Variants in FHAD1 observed in about 807,000 individuals in gnomAD.
FHAD1 encodes forkhead associated phosphopeptide binding domain 1.
In FHAD1, 146 loss-of-function variants were observed where a neutral mutation model predicts 191.3. The observed-to-expected ratio is 0.76, with a 90% confidence interval of 0.67 to 0.88. The LOEUF (loss-of-function observed/expected upper bound fraction) is 0.88. Among genes scored for constraint, FHAD1 ranks in the 40% least tolerant of loss-of-function variants. The pLI is 0.00. For synonymous variants in FHAD1, 616 were observed against 672.3 expected (o/e 0.92, Z 1.29); for missense variants, 1,635 against 1,785.8 (o/e 0.92, Z 1.52).
intron 3 of FHAD1, among the ~76,000 whole-genome samples, chr1:15,288,935 A>T (rs1206447715): frequency 6.6e-6 from 1 of 152,110 alleles, no homozygotes; most frequent in Non-Finnish European, 1.5e-5. Context: ...CCCCATCCCA[A>T]ACTTGAGGAG....
intron 10 of FHAD1, among the ~76,000 whole-genome samples, chr1:15,322,989 A>G (rs937711181): frequency 2.0e-5 from 3 of 152,292 alleles, no homozygotes; most frequent in South Asian, 4.1e-4. Flanking sequence ...AGGGAAAAAT[A>G]AGGAAGAAAC....
At chr1:15,304,159 G>A (rs1669698186) in intron 6 of FHAD1, among the ~76,000 whole-genome samples, 1 of 152,346 alleles carries the variant, frequency 6.6e-6, no homozygotes, top group African/African-American at 2.4e-5. Context: ...AAAGCCCTTC[G>A]ATCTGATACA....
chr1:15,245,563 G>A (rs568860429), upstream of FHAD1, among the ~76,000 whole-genome samples: 23 of 152,312 alleles, frequency 1.5e-4, no homozygotes, highest in African/African-American at 5.3e-4. Context: ...GCAGAAACGT[G>A]TGGGAAGCTG....
chr1:15,325,707 A>G lies in FHAD1; in HGVS notation c.1473+1148A>G, dbSNP rs1678251430. 1 of 152,398 alleles carries G rather than the reference A, an allele frequency of 6.6e-6. No homozygotes were observed. Among genetic ancestry groups the G allele is most frequent in the Non-Finnish European group, 1.5e-5 (1 of 68,194 alleles). The allele number at this position is 152,398 out of a possible 1,614,324, so 9.4% of individuals were successfully genotyped here. The stretch of plus-strand genomic sequence containing the variant: ...GACCCGTGCTCCTTGCCCAAGGGCC[A>G]AGGTTCTTGTTATAGCTCTGGGCAG... On this transcript the variant is annotated intron_variant, in intron 11 of 33. Coordinates refer to ENST00000688493, the MANE Select transcript of FHAD1 (RefSeq NM_001391957.1). The surrounding 1 kb of genome is among the most constrained non-coding windows in gnomAD (Gnocchi z 4.6).
At chr1:15,313,607 G>A (rs1672985849) in intron 8 of FHAD1, among the ~76,000 whole-genome samples, 1 of 152,144 alleles carries the variant, frequency 6.6e-6, no homozygotes, top group African/African-American at 2.4e-5. Flanking sequence ...AGGACACGGT[G>A]GGCTTCCCCT....
In FHAD1 at chr1:15,326,885, C is replaced by G. The variant is rs1044693679; in HGVS notation, c.1474-174C>G. ...TAATTAAAGCCTGCTGTTCTCTTTT[C>G]TTCTGTGGGTCCCGCCACTCCCCGT... is the stretch of plus-strand genomic sequence containing the variant. On this transcript the variant is annotated intron_variant, in intron 11 of 33. Transcript: ENST00000688493. The G allele has an allele frequency of 1.1e-4, 66 of 583,228 alleles. No individual in the cohort carries two copies. The Middle Eastern group carries it at 1.8e-3, about 16-fold the overall frequency. 36.1% of individuals were successfully genotyped at this position (583,228 alleles called of 1,614,324 possible). A position where few individuals can be genotyped will look rare whatever the true frequency, so the allele number is the denominator to read the frequency against.
At chr1:15,248,790 G>A (rs1780602) in intron 1 of FHAD1, among the ~76,000 whole-genome samples, 44,127 of 151,848 alleles carry the variant, frequency 0.29, 7,415 homozygotes, top group Non-Finnish European at 0.39. Context: ...GTTTCGCCAT[G>A]TTGGCCAGGC....
At chr1:15,309,906 G>A (rs74523862) in intron 7 of FHAD1, among the ~76,000 whole-genome samples, 2,179 of 152,256 alleles carry the variant, frequency 0.014, 59 homozygotes, top group African/African-American at 0.05. Context: ...GCTGGACCAA[G>A]CCACGGTGTT....
intron 2 of FHAD1, among the ~76,000 whole-genome samples, chr1:15,264,613 G>A (rs1268718986): frequency 6.6e-6 from 1 of 151,108 alleles, no homozygotes. Flanking sequence ...AAATCATGTT[G>A]TCCAACAATA....
In FHAD1 at chr1:15,296,612, C is replaced by T. The variant is rs747991065; in HGVS notation, c.569-72C>T. 25 of 1,287,668 alleles carry T rather than the reference C, an allele frequency of 1.9e-5. No individual in the cohort carries two copies. In the African/African-American group the frequency reaches 2.2e-4, roughly 11 times the overall value. The allele number at this position is 1,287,668 out of a possible 1,614,324, so 79.8% of individuals were successfully genotyped here. A position where few individuals can be genotyped will look rare whatever the true frequency, so the allele number is the denominator to read the frequency against. On this transcript the variant is annotated intron_variant, in intron 4 of 33. Transcript: ENST00000688493. ...GGGGGGAAACAAACAGGAAGGCTAA[C>T]GTGAACATCTTCTTCAGGCCTCAGG...
In FHAD1 at chr1:15,312,968, G is replaced by A; in HGVS notation, c.1040-89G>A. 6.7e-7 allele frequency: 1 copy of A among 1,498,302 alleles called. No homozygotes were observed. The highest frequency in any genetic ancestry group is 9.0e-7 in the Non-Finnish European group (1 of 1,111,614). The allele number at this position is 1,498,302 out of a possible 1,614,324, so 92.8% of individuals were successfully genotyped here. A position where few individuals can be genotyped will look rare whatever the true frequency, so the allele number is the denominator to read the frequency against. ...CCTTGGAGACACCTCCCTTCTCAGTGCCAGGCTCGTCACAAACTGGTTGAC... is the reference window on the plus strand; with the variant it reads ...CCTTGGAGACACCTCCCTTCTCAGTACCAGGCTCGTCACAAACTGGTTGAC... On this transcript the variant is annotated intron_variant, in intron 7 of 33. Transcript: ENST00000688493. The surrounding 1 kb of genome is among the most constrained non-coding windows in gnomAD (Gnocchi z 4.7).
At chr1:15,352,564 A>T (rs1330113734) in intron 19 of FHAD1, among the ~76,000 whole-genome samples, 1 of 152,162 alleles carries the variant, frequency 6.6e-6, no homozygotes, top group Non-Finnish European at 1.5e-5. Flanking sequence ...ATGCCAGTTT[A>T]TTTAGTAACT....
rs1701014746 is a variant in FHAD1, at chr1:15,381,953, C to G, written c.4023-75C>G. 6.7e-7 allele frequency: 1 copy of G among 1,496,172 alleles called. No individual in the cohort carries two copies. Among genetic ancestry groups the G allele is most frequent in the South Asian group, 1.3e-5 (1 of 77,726 alleles). The allele number at this position is 1,496,172 out of a possible 1,614,324, so 92.7% of individuals were successfully genotyped here. ...CCCACTGTGGATGTATTTTGAGAGA[C>G]TTCCGGGTCTGGCACATTGATGATG... On this transcript the variant is annotated intron_variant, in intron 30 of 33. Transcript: ENST00000688493. This position sits in a 1 kb window ranked among gnomAD's most constrained non-coding sequence, Gnocchi z 4.6.
In FHAD1 at chr1:15,272,625, G is replaced by A; in HGVS notation, c.300+96G>A. 17 of 1,121,168 alleles carry A rather than the reference G, an allele frequency of 1.5e-5. No homozygotes were observed. In the South Asian group the frequency reaches 2.6e-4, roughly 17 times the overall value. 69.5% of individuals were successfully genotyped at this position (1,121,168 alleles called of 1,614,324 possible). On this transcript the variant is annotated intron_variant, in intron 3 of 33. Transcript: ENST00000688493. Reference sequence around the variant, plus strand: ...CAGGGTGGCGCTTATCCACATTGGTGCCACTGTGATCGCACGCTGCACACA... The same window carrying A: ...CAGGGTGGCGCTTATCCACATTGGTACCACTGTGATCGCACGCTGCACACA...
In FHAD1 at chr1:15,380,727, G is replaced by A; in HGVS notation, c.3732G>A (p.Arg1244=). Residue 1244 remains arginine (R), a synonymous_variant, in exon 29 of 34, where the codon AGG becomes AGA. Coordinates refer to ENST00000688493, the MANE Select transcript of FHAD1 (RefSeq NM_001391957.1). ...LAPQNGLCNA[R]FGSAMEKSGK... is the part of the protein sequence containing the mutation. Reference sequence around the variant, plus strand: ...CTCAGAATGGCCTTTGCAACGCAAGGTTCGGCTCAGCCATGGAGAAGTCAG... The same window carrying A: ...CTCAGAATGGCCTTTGCAACGCAAGATTCGGCTCAGCCATGGAGAAGTCAG... The A allele has an allele frequency of 6.4e-7, 1 of 1,551,728 alleles. No individual in the cohort carries two copies. Among genetic ancestry groups the A allele is most frequent in the East Asian group, 2.4e-5 (1 of 40,930 alleles).
chr1:15,275,092 A>G, intron 3 of FHAD1, among the ~76,000 whole-genome samples: 1 of 151,982 alleles, frequency 6.6e-6, no homozygotes, highest in East Asian at 1.9e-4. Context: ...CCTCCCGAGT[A>G]GCTGGGACTA....
At chr1:15,380,430 C>T (rs1322235639) in intron 28 of FHAD1, among the ~76,000 whole-genome samples, 1 of 152,182 alleles carries the variant, frequency 6.6e-6, no homozygotes, top group African/African-American at 2.4e-5. Flanking sequence ...AATTGAGAAC[C>T]ACTGTTCTAG....
At chr1:15,251,687 A>T in intron 1 of FHAD1, 84 bp from the exon 2 acceptor site, 2 of 1,064,084 alleles carry the variant, frequency 1.9e-6, no homozygotes, top group South Asian at 1.6e-5. Context: ...CTCTGTGGTT[A>T]TTTCATTCAT....
chr1:15,373,916 T>C (rs1408902863), intron 26 of FHAD1, among the ~76,000 whole-genome samples: 1 of 152,132 alleles, frequency 6.6e-6, no homozygotes, highest in African/African-American at 2.4e-5. Context: ...TAACCTGAGC[T>C]ATTTAGGATG....
Sources: gnomAD v4.1 joint callset for allele counts (sites outside exome capture counted in the v4.1 genomes callset) on GRCh38, gnomAD v4.1.1 for gene constraint, Gnocchi (gnomAD v3.1) non-coding constraint, MANE v1.5 for transcripts, NCBI Gene and HGNC (gene_info 2026-07-23, HGNC 2026-07-21) for gene names.